Variants in MTUS2 observed in about 807,000 individuals in gnomAD.
The protein encoded by MTUS2 is microtubule associated scaffold protein 2.
Under a neutral mutation model 114.1 loss-of-function variants are expected in MTUS2, and 40 were observed. The observed-to-expected ratio is 0.35, with a 90% confidence interval of 0.27 to 0.46. The LOEUF is 0.46. Among genes scored for constraint, MTUS2 ranks in the 20% least tolerant of loss-of-function variants. The pLI is 1.00. For synonymous variants in MTUS2, 688 were observed against 672.0 expected (o/e 1.02, Z -0.37); for missense variants, 1,679 against 1,705.4 (o/e 0.98, Z 0.27).
chr13:29,282,176 C>T (rs917306049), intron 6 of MTUS2, among the ~76,000 whole-genome samples: 3 of 152,224 alleles, frequency 2.0e-5, no homozygotes, highest in African/African-American at 4.8e-5. Flanking sequence ...ACGATATCAT[C>T]GCAAGGACTG....
chr13:29,057,166 T>G (rs1565983758), intron 4 of MTUS2, among the ~76,000 whole-genome samples: 1 of 152,092 alleles, frequency 6.6e-6, no homozygotes, highest in Non-Finnish European at 1.5e-5. Flanking sequence ...AAGAGTGTGT[T>G]TGTTATGATT....
At chr13:29,086,359 A>G (rs1889692293) in intron 4 of MTUS2, among the ~76,000 whole-genome samples, 2 of 152,154 alleles carry the variant, frequency 1.3e-5, no homozygotes, top group Admixed American at 6.5e-5. Flanking sequence ...GCCAAGGCCT[A>G]TGTCCAGAAT....
chr13:29,098,464 A>G lies in MTUS2; in HGVS notation c.2447-2309A>G, dbSNP rs78205322. Among the ~76,000 whole-genome samples, 4 of 98,026 alleles carry G rather than the reference A, an allele frequency of 4.1e-5. No individual in the cohort carries two copies. The South Asian group carries it at 1.2e-3, about 30-fold the overall frequency. The allele number at this position is 98,026 out of a possible 152,430, so 64.3% of individuals were successfully genotyped here. On this transcript the variant is annotated intron_variant, in intron 4 of 15. Transcript: ENST00000612955. ...GTCATCTAAACACACACACACACAC[A>G]CACATGTGCGTGCATGCACACACAC...
intron 6 of MTUS2, among the ~76,000 whole-genome samples, chr13:29,314,446 G>T (rs999843808): frequency 6.6e-6 from 1 of 152,166 alleles, no homozygotes; most frequent in African/African-American, 2.4e-5. Context: ...TTTAAACAAG[G>T]TGAACTGAAT....
chr13:29,474,432 A>G (rs940376810), intron 9 of MTUS2, among the ~76,000 whole-genome samples: 2 of 152,236 alleles, frequency 1.3e-5, no homozygotes, highest in Non-Finnish European at 2.9e-5. Flanking sequence ...CTTCTAAGTC[A>G]TGCAAACAAT....
intron 7 of MTUS2, among the ~76,000 whole-genome samples, chr13:29,328,011 A>G (rs1029942216): frequency 1.3e-5 from 2 of 152,048 alleles, no homozygotes; most frequent in African/African-American, 2.4e-5. Context: ...CTATCTTTCT[A>G]TGTGTTTGAC....
At chr13:28,954,178 A>G (rs1882952014) in intron 2 of MTUS2, among the ~76,000 whole-genome samples, 1 of 152,260 alleles carries the variant, frequency 6.6e-6, no homozygotes, top group African/African-American at 2.4e-5. Context: ...CAATGCAGAT[A>G]AATATTCATG....
At chr13:28,855,420 C>T (rs141674260) in intron 2 of MTUS2, among the ~76,000 whole-genome samples, 2 of 152,158 alleles carry the variant, frequency 1.3e-5, no homozygotes, top group Admixed American at 1.3e-4. Context: ...TCTCCCTCCC[C>T]CTAGACTGCC....
At chr13:29,440,135 G>A (rs1877722818) in intron 9 of MTUS2, 86 bp downstream of exon 9, 3 of 1,338,468 alleles carry the variant, frequency 2.2e-6, no homozygotes, top group Non-Finnish European at 3.1e-6. Context: ...TATGCCTCCT[G>A]TAATAAGCCA....
chr13:28,842,701 A>G (rs1566171198), intron 2 of MTUS2, among the ~76,000 whole-genome samples: 1 of 152,184 alleles, frequency 6.6e-6, no homozygotes, highest in Non-Finnish European at 1.5e-5. Flanking sequence ...AGCAAGAGAG[A>G]TTTAGGATAG....
intron 8 of MTUS2, among the ~76,000 whole-genome samples, chr13:29,430,264 T>C (rs1364198782): frequency 1.3e-5 from 2 of 152,298 alleles, no homozygotes; most frequent in South Asian, 2.1e-4. Context: ...GAGGCTGTAA[T>C]ATGGAGGACT....
At chr13:29,238,275 A>G (rs1343255350) in intron 5 of MTUS2, among the ~76,000 whole-genome samples, 1 of 152,254 alleles carries the variant, frequency 6.6e-6, no homozygotes, top group East Asian at 1.9e-4. Flanking sequence ...AGGGTTCTCT[A>G]GAGGGACAGA....
At chr13:29,136,214 C>T (rs1476779525) in intron 5 of MTUS2, among the ~76,000 whole-genome samples, 3 of 152,180 alleles carry the variant, frequency 2.0e-5, no homozygotes, top group African/African-American at 4.8e-5. Context: ...GGAACAAACT[C>T]CCTCAACTTT....
At chr13:29,261,019 C>T (rs1485639072) in intron 5 of MTUS2, among the ~76,000 whole-genome samples, 1 of 151,908 alleles carries the variant, frequency 6.6e-6, no homozygotes, top group East Asian at 1.9e-4. Flanking sequence ...AAGAGTCCTC[C>T]AGCTGTGTCT....
upstream of MTUS2, chr13:28,820,216 G>A (rs936748436): frequency 5.4e-5 from 8 of 146,928 alleles, no homozygotes; most frequent in South Asian, 1.0e-3. Context: ...CGTCGTGCGG[G>A]CGGCTCCGGT....
At chr13:29,153,973 A>G (rs1892761404) in intron 5 of MTUS2, among the ~76,000 whole-genome samples, 2 of 152,146 alleles carry the variant, frequency 1.3e-5, no homozygotes, top group South Asian at 2.1e-4. Flanking sequence ...TGGCTCAGAG[A>G]AAAAACAGTC....
At chr13:29,410,801 C>A (rs1875171493) in intron 8 of MTUS2, among the ~76,000 whole-genome samples, 1 of 140,220 alleles carries the variant, frequency 7.1e-6, no homozygotes, top group Admixed American at 7.6e-5. Context: ...AAAGTCATTC[C>A]CACACTATTG....
chr13:28,933,118 AACACACACACACAC>A (rs59162969), intron 2 of MTUS2, among the ~76,000 whole-genome samples: 324 of 145,320 alleles, frequency 2.2e-3, no homozygotes, highest in Middle Eastern at 7.0e-3. Context: ...GGAGAATCAG[AACACACACACACAC>A]ACACACACAC....
intron 4 of MTUS2, among the ~76,000 whole-genome samples, chr13:29,049,821 T>C (rs1383471304): frequency 1.3e-5 from 2 of 152,198 alleles, no homozygotes. Flanking sequence ...CCTGCATCTT[T>C]ACAATAGTCA....
Sources: allele counts gnomAD v4.1 joint callset (sites outside exome capture counted in the v4.1 genomes callset), GRCh38; gene constraint gnomAD v4.1.1; transcripts MANE v1.5; gene names NCBI Gene and HGNC (gene_info 2026-07-23, HGNC 2026-07-21).